The following CDK12 variants were observed in gnomAD, a reference collection of about 807,000 sequenced individuals.
CDK12 encodes cyclin-dependent kinase 12.
CDK12 carries 17 observed loss-of-function variants against 133.8 expected under a neutral mutation model. The observed-to-expected ratio is 0.13, with a 90% CI of 0.09 to 0.19. CDK12 has a LOEUF of 0.19. Ranked by LOEUF, CDK12 falls within the 10% of genes least tolerant of loss-of-function variation. The probability of loss-of-function intolerance (pLI) is 1.00; values close to 1 mark genes in which losing one functional copy is unlikely to be tolerated. For synonymous variants in CDK12, 694 were observed against 683.6 expected (o/e 1.02, Z -0.24); for missense variants, 1,508 against 1,818.7 (o/e 0.83, Z 3.11).
At chr17:39,491,843 G>A (rs964875061) in intron 3 of CDK12, among the ~76,000 whole-genome samples, 1 of 150,296 alleles carries the variant, frequency 6.7e-6, no homozygotes, top group Non-Finnish European at 1.5e-5. Flanking sequence ...AAAGATACAG[G>A]AGTGGCTGGG....
upstream of CDK12, among the ~76,000 whole-genome samples, chr17:39,546,456 T>C (rs575460929): frequency 6.6e-6 from 1 of 152,324 alleles, no homozygotes; most frequent in East Asian, 1.9e-4. Flanking sequence ...AGTGCTGGGA[T>C]TACAGGTGTG....
intron 2 of CDK12, among the ~76,000 whole-genome samples, chr17:39,554,094 A>G (rs986101305): frequency 1.3e-5 from 2 of 152,170 alleles, no homozygotes; most frequent in Admixed American, 6.5e-5. Context: ...CATCTGTGCT[A>G]GGGTAGCTCA....
At chr17:39,522,498 A>G (rs1014546964) in intron 11 of CDK12, among the ~76,000 whole-genome samples, 30 of 151,802 alleles carry the variant, frequency 2.0e-4, no homozygotes, top group Middle Eastern at 6.9e-3. Context: ...GCAGTGGCAC[A>G]ATCTCAACTC....
At chr17:39,521,558 C>T (rs1224111553) in intron 11 of CDK12, among the ~76,000 whole-genome samples, 4 of 151,240 alleles carry the variant, frequency 2.6e-5, no homozygotes, top group African/African-American at 9.7e-5. Flanking sequence ...CTACTGCTCC[C>T]AGCCTTTTTT....
At chr17:39,549,731 A>G (rs1018775032), upstream of CDK12, 4 of 152,210 alleles carry the variant, frequency 2.6e-5, no homozygotes, top group African/African-American at 7.2e-5. Context: ...CCCCTCTGCC[A>G]TCTACACTTT....
At chr17:39,477,924 T>C (rs1043901337) in intron 2 of CDK12, among the ~76,000 whole-genome samples, 6 of 152,000 alleles carry the variant, frequency 3.9e-5, no homozygotes, top group African/African-American at 1.4e-4. Flanking sequence ...ACCAGGCTGG[T>C]CTTGAACTCC....
chr17:39,517,975 T>C (rs937160586), intron 10 of CDK12, among the ~76,000 whole-genome samples: 15 of 150,976 alleles, frequency 9.9e-5, no homozygotes, highest in African/African-American at 3.4e-4. Context: ...ACCTTAGCCT[T>C]CATTTTTTTT....
intron 3 of CDK12, among the ~76,000 whole-genome samples, chr17:39,557,360 T>C (rs2056198460): frequency 6.6e-6 from 1 of 152,150 alleles, no homozygotes; most frequent in South Asian, 2.1e-4. Context: ...TACTTTTCCT[T>C]CCTGGGTCAT....
At chr17:39,466,360 A>G (rs2049307889) in intron 1 of CDK12, among the ~76,000 whole-genome samples, 1 of 151,076 alleles carries the variant, frequency 6.6e-6, no homozygotes, top group Non-Finnish European at 1.5e-5. Flanking sequence ...CACGCCTGTA[A>G]TCCTAGCACT....
Position 39,530,685 on chromosome 17 carries a change from T to C in CDK12, c.3842T>C (p.Leu1281Pro). 6.4e-7 allele frequency: 1 copy of C among 1,568,434 alleles called. No homozygotes were observed. The highest frequency in any genetic ancestry group is 8.7e-7 in the Non-Finnish European group (1 of 1,152,794). ...CCACCGCCGCCACCTCCACCCCCTC[T>C]GGTTGAAGGCGATCTTTCCAGCGCC... is the stretch of plus-strand genomic sequence containing the variant. ...GPPPPPPPPP[L>P]VEGDLSSAPQ... Residue 1281 changes from leucine to proline, a missense_variant, in exon 14 of 14, where the codon CTG becomes CCG. Leu to Pro is a moderately conservative substitution (Grantham distance 98). Around this residue, in one of 9 missense-constraint regions of CDK12, gnomAD observed 399 missense variants for 469.6 expected, o/e 0.85. Transcript: ENST00000447079.
intron 2 of CDK12, among the ~76,000 whole-genome samples, chr17:39,482,004 G>A (rs2050749998): frequency 1.7e-5 from 1 of 57,382 alleles, no homozygotes; most frequent in Non-Finnish European, 5.1e-5. Flanking sequence ...ACAGGCATGA[G>A]CCTGGCTTGC....
intron 2 of CDK12, among the ~76,000 whole-genome samples, chr17:39,480,806 T>C (rs975600770): frequency 6.6e-6 from 1 of 152,190 alleles, no homozygotes; most frequent in Non-Finnish European, 1.5e-5. Context: ...ATTCAGCTAA[T>C]GGTATTTCAA....
At chr17:39,505,887 T>C (rs1309976377) in intron 6 of CDK12, among the ~76,000 whole-genome samples, 1 of 152,170 alleles carries the variant, frequency 6.6e-6, no homozygotes, top group South Asian at 2.1e-4. Flanking sequence ...TTGCTAGATA[T>C]ACTAAGGGAT....
intron 5 of CDK12, among the ~76,000 whole-genome samples, chr17:39,497,129 C>T (rs949620853): frequency 1.3e-5 from 2 of 151,960 alleles, no homozygotes; most frequent in African/African-American, 2.4e-5. Flanking sequence ...GACAGGGTTT[C>T]GCCATTTGGC....
intron 4 of CDK12, 116 bp from the exon 5 acceptor site, chr17:39,494,408 T>C: frequency 1.3e-6 from 1 of 797,646 alleles, no homozygotes; most frequent in Non-Finnish European, 2.1e-6. Flanking sequence ...AAGTATCTCG[T>C]GTAAGCATTA....
intron 6 of CDK12, among the ~76,000 whole-genome samples, chr17:39,502,043 C>G (rs764535078): frequency 6.6e-6 from 1 of 151,706 alleles, no homozygotes; most frequent in Non-Finnish European, 1.5e-5. Context: ...TGGGGTTTCA[C>G]TATATTGGCC....
chr17:39,526,062 A>T lies in CDK12; in HGVS notation c.3506A>T (p.Asp1169Val). The change falls in exon 13 of 14, where the codon GAC becomes GTC. Residue 1169 changes from aspartate to valine, a missense_variant. Around this residue, in one of 9 missense-constraint regions of CDK12, gnomAD observed 399 missense variants for 469.6 expected, o/e 0.85. Transcript: ENST00000447079. Reference sequence around the variant, plus strand: ...ACGGAAGCTACTTCCCAGCAGCAGGACTCAGAGACCATGGCCCCAGAGGAG... The same window carrying T: ...ACGGAAGCTACTTCCCAGCAGCAGGTCTCAGAGACCATGGCCCCAGAGGAG... ...ALTEATSQQQ[D>V]SETMAPEESL... 6.2e-7 allele frequency: 1 copy of T among 1,614,222 alleles called. No individual in the cohort carries two copies. The highest frequency in any genetic ancestry group is 8.5e-7 in the Non-Finnish European group (1 of 1,180,032).
chr17:39,470,130 A>T (rs534966937), intron 1 of CDK12, among the ~76,000 whole-genome samples: 1 of 151,028 alleles, frequency 6.6e-6, no homozygotes, highest in South Asian at 2.1e-4. Context: ...GATTTAGTTT[A>T]ATCTATTTTT....
chr17:39,491,219 G>A (rs1567722574), intron 3 of CDK12, among the ~76,000 whole-genome samples: 1 of 151,972 alleles, frequency 6.6e-6, no homozygotes, highest in Non-Finnish European at 1.5e-5. Flanking sequence ...TATTGAGCAC[G>A]TATTATTGTC....
Sources: gnomAD v4.1 joint callset for allele counts (sites outside exome capture counted in the v4.1 genomes callset) on GRCh38, gnomAD v4.1.1 for gene constraint, gnomAD v4.1.1 regional missense constraint, MANE v1.5 for transcripts, NCBI Gene and HGNC (gene_info 2026-07-23, HGNC 2026-07-21) for gene names.